GREB1: variants seen among roughly 807,000 people sequenced by gnomAD.
GREB1 encodes protein GREB1.
In GREB1, 106 loss-of-function variants were observed where a neutral mutation model predicts 200.7. The observed-to-expected ratio is 0.53, with a 90% confidence interval of 0.45 to 0.62. The LOEUF (loss-of-function observed/expected upper bound fraction) is 0.62, where lower values mean the gene tolerates loss of function less well. GREB1 is among the 20% of genes least tolerant of loss of function. The pLI is 0.00. For synonymous variants in GREB1, 1,132 were observed against 1,092.4 expected, an observed-to-expected ratio of 1.04 and a Z score of -0.72; for missense variants, 2,243 against 2,556.8, an observed-to-expected ratio of 0.88 and a Z score of 2.65.
At position 11,595,352 on chromosome 2, in the gene GREB1, G is replaced by C. The variant is rs1182330858; in HGVS notation, c.1798G>C (p.Gly600Arg). ...GGTTACGGGGAAGGTAGACTCGCTG[G>C]GGGCCTTCTTTAGCACCCTCTGTCC... ...ELVTGKVDSL[G>R]AFFSTLCPEG... is the part of the protein sequence containing the mutation. The change falls in exon 12 of 33, where the codon GGG (glycine) becomes CGG (arginine). Residue 600 changes from glycine to arginine, a missense_variant. By Grantham distance (125) the Gly-to-Arg change is moderately radical (BLOSUM62 -2). This residue lies in a region of GREB1 where 1,178 missense variants were observed against 1,387.4 expected (regional missense o/e 0.85). Transcript: ENST00000381486. 6.2e-7 allele frequency: 1 copy of C among 1,613,734 alleles called. No homozygotes were observed. Among genetic ancestry groups the C allele is most frequent in the Non-Finnish European group, 8.5e-7 (1 of 1,179,850 alleles).
rs529473073 is a variant in GREB1, at chr2:11,578,320, G to A, written c.661G>A (p.Ala221Thr). 22 of 1,613,958 alleles carry A rather than the reference G, an allele frequency of 1.4e-5. No individual in the cohort carries two copies. The highest frequency in any genetic ancestry group is 1.6e-4 in the Middle Eastern group (1 of 6,062). The change falls in exon 6 of 33, where the codon GCC becomes ACC. Residue 221 changes from alanine to threonine, a missense_variant. Ala to Thr is a moderately conservative substitution (Grantham distance 58). Coordinates refer to ENST00000381486, the MANE Select transcript of GREB1 (RefSeq NM_014668.4). ...AGAGTTTAGAAGCCGGCAGATCCCCGCCAGTACTTGTTCCAGTTCCCTCTT... is the reference window on the plus strand; with the variant it reads ...AGAGTTTAGAAGCCGGCAGATCCCCACCAGTACTTGTTCCAGTTCCCTCTT... ...GSEFRSRQIPASTCSSSLFPA... is the reference protein window; with the variant it reads ...GSEFRSRQIPTSTCSSSLFPA...
chr2:11,585,077 G>T, intron 7 of GREB1, 84 bp from the exon 8 acceptor site: 2 of 651,988 alleles, frequency 3.1e-6, no homozygotes, highest in Non-Finnish European at 4.9e-6. Context: ...AAACAAAACA[G>T]ATCATTGTTC....
chr2:11,615,426 C>A (rs1028786762), intron 20 of GREB1, 136 bp downstream of exon 20: 5 of 689,828 alleles, frequency 7.2e-6, no homozygotes, highest in Admixed American at 2.6e-5. Flanking sequence ...TGCTGGACAG[C>A]GGCTCTGGAT....
At position 11,592,790 on chromosome 2, in the gene GREB1, C is replaced by T. The variant is rs1455766745; in HGVS notation, c.1360C>T (p.Pro454Ser). ...TTGTGTTGCAGCCGCGGACCAGGTG[C>T]CCTTGATGGAGGACCTGGAGCAGAT... The part of the protein sequence containing the change: ...YLVQLAADQV[P>S]LMEDLEQIFL... The change falls in exon 11 of 33, where the codon CCC becomes TCC. Residue 454 changes from proline to serine, a missense_variant. This residue lies in a region of GREB1 where 1,178 missense variants were observed against 1,387.4 expected (regional missense o/e 0.85). Transcript: ENST00000381486. 2 of 1,536,666 alleles carry T rather than the reference C, an allele frequency of 1.3e-6. No homozygotes were observed. Among genetic ancestry groups the T allele is most frequent in the Non-Finnish European group, 8.7e-7 (1 of 1,148,804 alleles).
chr2:11,555,634 A>G (rs1676357927), intron 1 of GREB1, among the ~76,000 whole-genome samples: 1 of 152,150 alleles, frequency 6.6e-6, no homozygotes, highest in South Asian at 2.1e-4. Context: ...GTCACAAAAG[A>G]CCTCGTACTG....
At chr2:11,639,200 G>A (rs201790147) in intron 32 of GREB1, among the ~76,000 whole-genome samples, 5 of 152,106 alleles carry the variant, frequency 3.3e-5, no homozygotes, top group Admixed American at 3.3e-4. Context: ...AGTGATTCTC[G>A]TGCCTCAGCC....
chr2:11,513,511 C>T (rs535275400), intron 1 of GREB1, among the ~76,000 whole-genome samples: 2 of 152,310 alleles, frequency 1.3e-5, no homozygotes, highest in Admixed American at 6.5e-5. Flanking sequence ...TCCTTCAAGG[C>T]CTACTTCTTT....
At chr2:11,508,470 C>G (rs970711841) in intron 1 of GREB1, among the ~76,000 whole-genome samples, 2 of 152,214 alleles carry the variant, frequency 1.3e-5, no homozygotes, top group Non-Finnish European at 2.9e-5. Context: ...CAGCCTCAGG[C>G]TGGGCTCCTT....
intron 1 of GREB1, among the ~76,000 whole-genome samples, chr2:11,516,543 A>C (rs1341297881): frequency 1.4e-4 from 21 of 152,188 alleles, no homozygotes. Flanking sequence ...TCGGGAGCTA[A>C]TAAGTGACTC....
At position 11,585,713 on chromosome 2, in the gene GREB1, G is replaced by T. The variant is rs776252244; in HGVS notation, c.1016-49G>T. 3.7e-6 allele frequency: 6 copies of T among 1,606,638 alleles called. No homozygotes were observed. The South Asian group carries it at 6.6e-5, about 18-fold the overall frequency. On this transcript the variant is annotated intron_variant, in intron 8 of 32. Coordinates refer to ENST00000381486, the MANE Select transcript of GREB1 (RefSeq NM_014668.4). Reference sequence around the variant, plus strand: ...CTGGCCTGATGTCAGGTATGTGAGAGGTGGATGCCTTGTCTGATGTTTTCA... The same window carrying T: ...CTGGCCTGATGTCAGGTATGTGAGATGTGGATGCCTTGTCTGATGTTTTCA...
chr2:11,557,160 ATAG>A, intron 2 of GREB1, among the ~76,000 whole-genome samples: 1 of 152,316 alleles, frequency 6.6e-6, no homozygotes. Flanking sequence ...TTGCAAAGTA[ATAG>A]TAGGTATGAG....
rs1168738091 is a variant in GREB1, at chr2:11,526,420, T to C, written c.-158-30037T>C. ...TTACTTAATATCTATAAGCCTTAGT[T>C]TTCTCATTAGTAAAACAAGAATTTT... On this transcript the variant is annotated intron_variant, in intron 1 of 2. Transcript: ENST00000628795. Among the ~76,000 whole-genome samples the C allele has an allele frequency of 2.0e-5, 3 of 152,166 alleles. No homozygotes were observed. The East Asian group carries it at 5.8e-4, about 29-fold the overall frequency.
intron 25 of GREB1, among the ~76,000 whole-genome samples, chr2:11,628,139 G>A (rs1321148379): frequency 6.6e-6 from 1 of 152,254 alleles, no homozygotes; most frequent in African/African-American, 2.4e-5. Flanking sequence ...AACTCCAAGT[G>A]GAGCCCAGTG....
At chr2:11,541,677 C>T (rs1343296342) in intron 1 of GREB1, among the ~76,000 whole-genome samples, 7 of 152,074 alleles carry the variant, frequency 4.6e-5, no homozygotes, top group African/African-American at 1.7e-4. Flanking sequence ...CTTAGGAAGC[C>T]GCAGGAATCT....
intron 9 of GREB1, 50 bp downstream of exon 9, chr2:11,585,955 G>A (rs766567684): frequency 5.6e-6 from 9 of 1,598,602 alleles, no homozygotes; most frequent in Non-Finnish European, 6.0e-6. Context: ...CCTAAAGGAA[G>A]GCATGAGAAA....
chr2:11,625,405 T>A, intron 24 of GREB1, 93 bp downstream of exon 24: 1 of 1,251,770 alleles, frequency 8.0e-7, no homozygotes, highest in Non-Finnish European at 1.1e-6. Context: ...TGAAATCAGG[T>A]GGTGATGAAT....
intron 1 of GREB1, among the ~76,000 whole-genome samples, chr2:11,514,259 A>C (rs1673427965): frequency 6.6e-6 from 1 of 152,334 alleles, no homozygotes; most frequent in South Asian, 2.1e-4. Context: ...CAGTCTTTTA[A>C]ACAACACTGC....
intron 1 of GREB1, among the ~76,000 whole-genome samples, chr2:11,501,893 C>CTGTTTTTTTTT (rs1673048335): frequency 1.4e-5 from 1 of 70,084 alleles, no homozygotes. Flanking sequence ...CCTGGATTTC[C>CTGTTTTTTTTT]TGTTTTTTTT....
intron 3 of GREB1, 67 bp downstream of exon 3, chr2:11,562,649 G>A (rs1191759027): frequency 3.3e-6 from 5 of 1,495,036 alleles, no homozygotes; most frequent in Non-Finnish European, 3.6e-6. Flanking sequence ...GGCCAGGCGG[G>A]TGACTGGGCC....
Sources: allele counts gnomAD v4.1 joint callset (sites outside exome capture counted in the v4.1 genomes callset), GRCh38; gene constraint gnomAD v4.1.1; regional missense constraint gnomAD v4.1.1; transcripts MANE v1.5; gene names NCBI Gene and HGNC (gene_info 2026-07-23, HGNC 2026-07-21).